Variants in CCDC149 observed in about 807,000 individuals in gnomAD.
CCDC149 encodes the protein coiled-coil domain-containing protein 149.
CCDC149 carries 45 observed loss-of-function variants against 59.9 expected under a neutral mutation model. The observed-to-expected ratio is 0.75, with a 90% CI of 0.59 to 0.96. CCDC149 has a LOEUF of 0.96. Ranked by LOEUF, CCDC149 falls within the 40% of genes least tolerant of loss-of-function variation. The probability of loss-of-function intolerance (pLI) is 0.00; values close to 1 mark genes in which losing one functional copy is unlikely to be tolerated. For missense variants in CCDC149, 584 were observed against 664.7 expected (o/e 0.88, Z 1.33); for synonymous variants, 245 against 260.6 (o/e 0.94, Z 0.58).
intron 1 of CCDC149, among the ~76,000 whole-genome samples, chr4:24,908,805 T>G (rs1721698619): frequency 6.6e-6 from 1 of 152,230 alleles, no homozygotes; most frequent in Admixed American, 6.5e-5. Flanking sequence ...GCTCAAGGAA[T>G]AGGAGATTGA....
intron 4 of CCDC149, among the ~76,000 whole-genome samples, chr4:24,838,607 T>C (rs1716705118): frequency 6.6e-6 from 1 of 152,080 alleles, no homozygotes; most frequent in Non-Finnish European, 1.5e-5. Flanking sequence ...TCTGCTGAGA[T>C]GGGAACTCTC....
At chr4:24,874,267 T>G (rs1392946612) in intron 2 of CCDC149, among the ~76,000 whole-genome samples, 7 of 46,348 alleles carry the variant, frequency 1.5e-4, no homozygotes, top group African/African-American at 3.9e-4. Context: ...TTTGTTTTGT[T>G]TTTTTTTGTT....
chr4:24,974,578 A>G (rs562420248), intron 1 of CCDC149, among the ~76,000 whole-genome samples: 64 of 152,324 alleles, frequency 4.2e-4, no homozygotes, highest in African/African-American at 1.5e-3. Context: ...TTCTCAACCA[A>G]TATGGCTTTC....
At chr4:24,816,888 G>T (rs1313657042) in intron 12 of CCDC149, among the ~76,000 whole-genome samples, 1 of 152,144 alleles carries the variant, frequency 6.6e-6, no homozygotes, top group Non-Finnish European at 1.5e-5. Flanking sequence ...CCGAAAAGGC[G>T]ATTCATCTTC....
chr4:24,899,825 T>G (rs1345976577), intron 1 of CCDC149, among the ~76,000 whole-genome samples: 4 of 152,156 alleles, frequency 2.6e-5, no homozygotes, highest in African/African-American at 9.7e-5. Flanking sequence ...GCACCCTCTA[T>G]ACAGTTAACA....
chr4:24,814,345 T>C (rs1313645322), intron 12 of CCDC149, among the ~76,000 whole-genome samples: 1 of 152,218 alleles, frequency 6.6e-6, no homozygotes, highest in Admixed American at 6.5e-5. Flanking sequence ...AATGTATAGA[T>C]GTGTGAATAA....
intron 1 of CCDC149, among the ~76,000 whole-genome samples, chr4:24,888,732 C>T (rs1233623660): frequency 1.3e-5 from 2 of 152,180 alleles, no homozygotes; most frequent in African/African-American, 4.8e-5. Context: ...GCAACATTAA[C>T]ACCCTCGCAC....
intron 3 of CCDC149, among the ~76,000 whole-genome samples, chr4:24,869,922 G>A (rs1186885755): frequency 1.3e-5 from 2 of 152,204 alleles, no homozygotes; most frequent in African/African-American, 4.8e-5. Flanking sequence ...CAGCCCCCTG[G>A]TGCGTGCTAT....
chr4:24,919,456 A>G (rs1021183456), intron 1 of CCDC149, among the ~76,000 whole-genome samples: 1 of 152,242 alleles, frequency 6.6e-6, no homozygotes, highest in Non-Finnish European at 1.5e-5. Flanking sequence ...TTAAAATGGT[A>G]AATTTCATGT....
intron 1 of CCDC149, among the ~76,000 whole-genome samples, chr4:24,920,952 G>A (rs888619552): frequency 6.6e-6 from 1 of 152,134 alleles, no homozygotes; most frequent in Non-Finnish European, 1.5e-5. Context: ...TGGAAAAGAA[G>A]GTGGGACTGG....
chr4:24,931,829 G>GTATATATATATATATATATA (rs57205804), intron 1 of CCDC149, among the ~76,000 whole-genome samples: 2,546 of 76,540 alleles, frequency 0.033, 259 homozygotes, highest in African/African-American at 0.067. Flanking sequence ...TGGAGAGTAT[G>GTATATATATATATATATATA]TATATATATA....
intron 3 of CCDC149, among the ~76,000 whole-genome samples, chr4:24,864,114 G>A (rs765312177): frequency 6.6e-5 from 10 of 152,186 alleles, no homozygotes; most frequent in African/African-American, 9.6e-5. Context: ...AACACCCGGC[G>A]TGGGCCGGGC....
At chr4:24,833,149 A>T (rs981307314) in intron 8 of CCDC149, among the ~76,000 whole-genome samples, 1 of 152,194 alleles carries the variant, frequency 6.6e-6, no homozygotes, top group Non-Finnish European at 1.5e-5. Flanking sequence ...TAAAAGGACA[A>T]CAACCACTGA....
At chr4:24,842,395 G>A (rs181379117) in intron 4 of CCDC149, among the ~76,000 whole-genome samples, 94 of 152,204 alleles carry the variant, frequency 6.2e-4, no homozygotes, top group Middle Eastern at 6.8e-3. Context: ...TGTAGTGCAG[G>A]CAAATGATGT....
intron 12 of CCDC149, among the ~76,000 whole-genome samples, chr4:24,815,797 A>G (rs1403713602): frequency 6.6e-6 from 1 of 152,180 alleles, no homozygotes. Context: ...TTAATATGGG[A>G]AACCTCTGAG....
At chr4:24,887,638 C>T (rs1009387432) in intron 1 of CCDC149, among the ~76,000 whole-genome samples, 18 of 152,036 alleles carry the variant, frequency 1.2e-4, no homozygotes, top group South Asian at 2.1e-4. Flanking sequence ...AACAATCAAC[C>T]TCCCTTCCCC....
chr4:24,926,917 G>A (rs1722448614), intron 1 of CCDC149, among the ~76,000 whole-genome samples: 1 of 152,156 alleles, frequency 6.6e-6, no homozygotes, highest in South Asian at 2.1e-4. Flanking sequence ...TCGCAGCATG[G>A]CAGCCTCAGG....
intron 1 of CCDC149, among the ~76,000 whole-genome samples, chr4:24,937,300 G>C (rs1022308502): frequency 2.0e-5 from 3 of 152,198 alleles, no homozygotes; most frequent in East Asian, 1.9e-4. Flanking sequence ...CTGTGGTCAT[G>C]ACGAATGTCT....
At chr4:24,931,480 C>A (rs1722585798) in intron 1 of CCDC149, among the ~76,000 whole-genome samples, 1 of 151,460 alleles carries the variant, frequency 6.6e-6, no homozygotes, top group Non-Finnish European at 1.5e-5. Context: ...TGCTCTACAC[C>A]ACCACTCAGG....
Sources: allele counts gnomAD v4.1 joint callset (sites outside exome capture counted in the v4.1 genomes callset), GRCh38; gene constraint gnomAD v4.1.1; transcripts MANE v1.5; gene names NCBI Gene and HGNC (gene_info 2026-07-23, HGNC 2026-07-21).